Variants in PRR15L observed in about 807,000 individuals in gnomAD.
The protein encoded by PRR15L is proline-rich protein 15-like protein.
PRR15L carries 1 observed loss-of-function variant against 3.7 expected under a neutral mutation model. The ratio of observed to expected loss-of-function variants is 0.27; its 90% CI spans 0.09 to 1.27. The LOEUF (loss-of-function observed/expected upper bound fraction) is 1.27. PRR15L is among the 50% of genes most tolerant of loss of function. The pLI is 0.47. For missense variants in PRR15L, 127 were observed against 128.7 expected (o/e 0.99, Z 0.06); for synonymous variants, 57 against 51.9 (o/e 1.10, Z -0.42).
At chr17:47,954,861 A>T (rs2036110424) in intron 1 of PRR15L, among the ~76,000 whole-genome samples, 2 of 152,166 alleles carry the variant, frequency 1.3e-5, no homozygotes, top group Admixed American at 6.5e-5. Context: ...ACCTCCTTTT[A>T]AAAACTGGAA....
rs1000034933 is a variant in PRR15L at position 47,953,069 on chromosome 17, C to T, written c.166G>A (p.Glu56Lys). ...GPNSDFNTRL[E>K]KIVDKSTKGK... ...TTTGTGCTCTTGTCCACAATCTTCT[C>T]CAGGCGGGTGTTAAAGTCGCTGTTG... Residue 56 changes from glutamate to lysine, a missense_variant, in exon 2 of 2, where the codon GAG (glutamate) becomes AAG (lysine). Physicochemically the swap from Glu to Lys is moderately conservative, Grantham distance 56. Transcript: ENST00000300557. 4.3e-6 allele frequency: 7 copies of T among 1,614,168 alleles called. No individual in the cohort carries two copies. The highest frequency in any genetic ancestry group is 3.3e-4 in the Middle Eastern group (2 of 6,062).
Position 47,953,077 on chromosome 17 carries a change from G to C in PRR15L, c.158C>G (p.Thr53Ser). ...CTTGTCCACAATCTTCTCCAGGCGGGTGTTAAAGTCGCTGTTGGGGCCTCC... is the reference window on the plus strand; with the variant it reads ...CTTGTCCACAATCTTCTCCAGGCGGCTGTTAAAGTCGCTGTTGGGGCCTCC... ...DAGGPNSDFN[T>S]RLEKIVDKST... is the part of the protein sequence containing the mutation. Residue 53 changes from threonine to serine, a missense_variant, in exon 2 of 2, where the codon ACC becomes AGC. Transcript: ENST00000300557. 6.2e-7 allele frequency: 1 copy of C among 1,614,144 alleles called. No individual in the cohort carries two copies. Among genetic ancestry groups the C allele is most frequent in the South Asian group, 1.1e-5 (1 of 91,088 alleles).
rs1198214477 is a variant in PRR15L, at chr17:47,957,791, A to G, written c.-164T>C. 6.6e-6 allele frequency: 1 copy of G among 152,344 alleles called. No individual in the cohort carries two copies. Among genetic ancestry groups the G allele is most frequent in the African/African-American group, 2.4e-5 (1 of 41,448 alleles). 9.4% of individuals were successfully genotyped at this position (152,344 alleles called of 1,614,324 possible). The stretch of plus-strand genomic sequence containing the variant: ...CTGCTGTATCAGGCAAGGCTCAGCC[A>G]GGAGAGGTGGGTAGGAGCAGCTGCA... On this transcript the variant is annotated 5_prime_UTR_variant, in exon 1 of 2. Transcript: ENST00000300557.
chr17:47,956,945 G>A (rs944576151), intron 1 of PRR15L, among the ~76,000 whole-genome samples: 30 of 152,226 alleles, frequency 2.0e-4, no homozygotes, highest in African/African-American at 6.0e-4. Context: ...GCTAAGGGCT[G>A]GGCCCTTGCC....
chr17:47,957,840 G>GCCT lies in PRR15L; in HGVS notation c.-214_-213insAGG, dbSNP rs1158445778. 1.3e-5 allele frequency: 2 copies of GCCT among 152,230 alleles called. No homozygotes were observed. Among genetic ancestry groups the GCCT allele is most frequent in the Non-Finnish European group, 2.9e-5 (2 of 68,062 alleles). The allele number at this position is 152,230 out of a possible 1,614,324, so 9.4% of individuals were successfully genotyped here. The stretch of plus-strand genomic sequence containing the variant: ...CACGTCAGGTGCAAGAGAAACAGGT[G>GCCT]CAAGAGCTGTTACCTGCTCTGCTGC... On this transcript the variant is annotated 5_prime_UTR_variant, in exon 1 of 2. Coordinates refer to ENST00000300557, the MANE Select transcript of PRR15L (RefSeq NM_024320.4).
rs759955648 is a variant in PRR15L, at chr17:47,953,135, CTGTT to C, written c.96_99del (p.Thr33ArgfsTer49). 1 of 1,614,144 alleles carries C rather than the reference CTGTT, an allele frequency of 6.2e-7. No homozygotes were observed. Among genetic ancestry groups the C allele is most frequent in the Admixed American group, 1.7e-5 (1 of 60,018 alleles). On this transcript the variant is annotated frameshift_variant, in exon 2 of 2. Coordinates refer to ENST00000300557, the MANE Select transcript of PRR15L (RefSeq NM_024320.4). LOFTEE classifies it high-confidence loss of function. ...GGCCTCGGGGGTTCTGCATCTCCCT[CTGTT>C]TGGGCATAGGTGTCAGGGATCTCAT...
intron 1 of PRR15L, among the ~76,000 whole-genome samples, chr17:47,956,308 C>CA (rs894670579): frequency 6.6e-6 from 1 of 152,162 alleles, no homozygotes; most frequent in African/African-American, 2.4e-5. Context: ...ACTAAAAACA[C>CA]AAAAACACAA....
intron 1 of PRR15L, among the ~76,000 whole-genome samples, chr17:47,955,829 C>G (rs1243477472): frequency 6.6e-6 from 1 of 152,174 alleles, no homozygotes; most frequent in South Asian, 2.1e-4. Flanking sequence ...TGGAATGAGG[C>G]CCACAGCCCC....
intron 1 of PRR15L, among the ~76,000 whole-genome samples, chr17:47,953,656 C>CAAA (rs35835097): frequency 1.2e-4 from 16 of 130,092 alleles, no homozygotes; most frequent in South Asian, 2.4e-4. Context: ...GAGACTATCT[C>CAAA]AAAAAAAAAA....
chr17:47,953,278 TG>T lies in PRR15L; in HGVS notation c.-29-16del, dbSNP rs3833856. On this transcript the variant is annotated splice_polypyrimidine_tract_variant and intron_variant, in intron 1 of 1. Transcript: ENST00000300557. Reference sequence around the variant, plus strand: ...GATGGGGCTTTCTGCTGGAGCAGGGTGGGGGAGACAAAGGGGTCAGTGGGAA... The same window carrying T: ...GATGGGGCTTTCTGCTGGAGCAGGGTGGGGAGACAAAGGGGTCAGTGGGAA... 2.1e-6 allele frequency: 3 copies of T among 1,453,766 alleles called. No individual in the cohort carries two copies. The highest frequency in any genetic ancestry group is 2.8e-6 in the Non-Finnish European group (3 of 1,086,028). The allele number at this position is 1,453,766 out of a possible 1,614,324, so 90.1% of individuals were successfully genotyped here.
At chr17:47,954,617 G>A (rs570383309) in intron 1 of PRR15L, among the ~76,000 whole-genome samples, 2 of 152,322 alleles carry the variant, frequency 1.3e-5, no homozygotes, top group Admixed American at 1.3e-4. Flanking sequence ...TACTATATGA[G>A]CTAGCGGAAC....
intron 1 of PRR15L, 141 bp downstream of exon 1, chr17:47,957,514 AGT>A (rs2036143084): frequency 6.6e-6 from 1 of 152,274 alleles, no homozygotes; most frequent in African/African-American, 2.4e-5. Flanking sequence ...CCAAGAGGCC[AGT>A]GGGATGAGTC....
intron 1 of PRR15L, among the ~76,000 whole-genome samples, chr17:47,953,925 C>G (rs1473287245): frequency 6.6e-6 from 1 of 152,212 alleles, no homozygotes; most frequent in Non-Finnish European, 1.5e-5. Flanking sequence ...GGCAGGTGGA[C>G]AGCTTGCCTG....
chr17:47,952,607 TCCCTGCCATGCCCACCTCCCTGCTGG>T lies in PRR15L; in HGVS notation c.*290_*315del, dbSNP rs2036078981. ...AGTCTGTCTGGCTCACTCTCTCCAT[TCCCTGCCATGCCCACCTCCCTGCTGG>T]CCCTGCCATTGCTTCAAGGAGGGCT... On this transcript the variant is annotated 3_prime_UTR_variant, in exon 2 of 2. Transcript: ENST00000300557. The T allele has an allele frequency of 3.5e-6, 1 of 282,438 alleles. No homozygotes were observed. The highest frequency in any genetic ancestry group is 2.1e-5 in the African/African-American group (1 of 46,894). 17.5% of individuals were successfully genotyped at this position (282,438 alleles called of 1,614,324 possible). A position where few individuals can be genotyped will look rare whatever the true frequency, so the allele number is the denominator to read the frequency against.
Position 47,952,853 on chromosome 17 carries a change from G to C in PRR15L, c.*70C>G. The C allele has an allele frequency of 6.8e-7, 1 of 1,475,170 alleles. No individual in the cohort carries two copies. The highest frequency in any genetic ancestry group is 9.1e-7 in the Non-Finnish European group (1 of 1,096,852). 91.4% of individuals were successfully genotyped at this position (1,475,170 alleles called of 1,614,324 possible). The stretch of plus-strand genomic sequence containing the variant: ...TTCAGCTATGGCCAAAGAGGCCAGC[G>C]TGGCAAGGTCCTGTCTCAGATCTGG... On this transcript the variant is annotated 3_prime_UTR_variant, in exon 2 of 2. Coordinates refer to ENST00000300557, the MANE Select transcript of PRR15L (RefSeq NM_024320.4).
At chr17:47,956,871 C>T (rs2036133943) in intron 1 of PRR15L, among the ~76,000 whole-genome samples, 1 of 152,236 alleles carries the variant, frequency 6.6e-6, no homozygotes, top group African/African-American at 2.4e-5. Context: ...TTCAAACAGA[C>T]CCAGCATTTA....
At chr17:47,953,541 C>G (rs1249200175) in intron 1 of PRR15L, among the ~76,000 whole-genome samples, 1 of 151,838 alleles carries the variant, frequency 6.6e-6, no homozygotes, top group Non-Finnish European at 1.5e-5. Context: ...CACCTGTAAT[C>G]CCAGCTACTC....
At chr17:47,957,552 T>G (rs1012438678) in intron 1 of PRR15L, 105 bp downstream of exon 1, 3 of 152,284 alleles carry the variant, frequency 2.0e-5, no homozygotes, top group African/African-American at 7.2e-5. Flanking sequence ...GTTAGAGGCC[T>G]GGGTTCCTCT....
At position 47,957,667 on chromosome 17, in the gene PRR15L, G is replaced by GT. The variant is rs2036144474; in HGVS notation, c.-41_-40insA. The GT allele has an allele frequency of 6.6e-6, 1 of 152,316 alleles. No homozygotes were observed. Among genetic ancestry groups the GT allele is most frequent in the Admixed American group, 6.5e-5 (1 of 15,288 alleles). 9.4% of individuals were successfully genotyped at this position (152,316 alleles called of 1,614,324 possible). A position where few individuals can be genotyped will look rare whatever the true frequency, so the allele number is the denominator to read the frequency against. On this transcript the variant is annotated 5_prime_UTR_variant, in exon 1 of 2. Coordinates refer to ENST00000300557, the MANE Select transcript of PRR15L (RefSeq NM_024320.4). The stretch of plus-strand genomic sequence containing the variant: ...GCCCTCTGCCTGTACCTGTAATCCC[G>GT]ACTGCTCCAGGCTGGAGGTGAGACC...
Sources: gnomAD v4.1 joint callset for allele counts (sites outside exome capture counted in the v4.1 genomes callset) on GRCh38, gnomAD v4.1.1 for gene constraint, MANE v1.5 for transcripts, NCBI Gene and HGNC (gene_info 2026-07-23, HGNC 2026-07-21) for gene names.